Variants in TAFA1 observed in about 807,000 individuals in gnomAD.
TAFA1 encodes the protein TAFA chemokine like family member 1.
TAFA1 carries 4 observed loss-of-function variants against 18.5 expected under a neutral mutation model. That is an observed-to-expected ratio of 0.22 (90% CI 0.11 to 0.49). The LOEUF (loss-of-function observed/expected upper bound fraction) is 0.49. Ranked by LOEUF, TAFA1 falls within the 20% of genes least tolerant of loss-of-function variation. The pLI is 0.98. For synonymous variants in TAFA1, 56 were observed against 55.2 expected, an observed-to-expected ratio of 1.01 and a Z score of -0.06; for missense variants, 147 against 169.0, an observed-to-expected ratio of 0.87 and a Z score of 0.72.
At chr3:68,378,811 G>A in intron 2 of TAFA1, among the ~76,000 whole-genome samples, 1 of 152,080 alleles carries the variant, frequency 6.6e-6, no homozygotes, top group East Asian at 1.9e-4. Flanking sequence ...CGTTTCGTAA[G>A]CAAAGCCTTT....
intron 2 of TAFA1, among the ~76,000 whole-genome samples, chr3:68,022,075 T>C (rs1010790323): frequency 1.3e-5 from 2 of 152,214 alleles, no homozygotes; most frequent in African/African-American, 4.8e-5. Context: ...TTCATTAGTC[T>C]ATTTATATTC....
intron 2 of TAFA1, among the ~76,000 whole-genome samples, chr3:68,184,879 G>A (rs1226242449): frequency 4.6e-5 from 7 of 152,148 alleles, no homozygotes; most frequent in African/African-American, 1.7e-4. Flanking sequence ...TATGGGCTGA[G>A]ACATGGGAAA....
chr3:68,226,294 G>A (rs2107105344), intron 2 of TAFA1, among the ~76,000 whole-genome samples: 1 of 152,302 alleles, frequency 6.6e-6, no homozygotes, highest in South Asian at 2.1e-4. Flanking sequence ...ATGCTTTCAT[G>A]CCTATTAACA....
intron 3 of TAFA1, among the ~76,000 whole-genome samples, chr3:68,478,939 A>T (rs1359404025): frequency 1.4e-5 from 2 of 147,456 alleles, no homozygotes; most frequent in Admixed American, 1.3e-4. Flanking sequence ...TATACATAAA[A>T]ATATATATCT....
intron 2 of TAFA1, among the ~76,000 whole-genome samples, chr3:68,178,195 T>A (rs1169101443): frequency 6.6e-6 from 1 of 152,034 alleles, no homozygotes. Flanking sequence ...ACCTGGTATA[T>A]GGTAACTATT....
chr3:68,440,892 C>T (rs1280592833), intron 3 of TAFA1, among the ~76,000 whole-genome samples: 1 of 152,162 alleles, frequency 6.6e-6, no homozygotes, highest in Non-Finnish European at 1.5e-5. Flanking sequence ...CCCAAAGTGT[C>T]CAGGTGGCAA....
At chr3:68,520,045 A>G (rs2072995149) in intron 3 of TAFA1, among the ~76,000 whole-genome samples, 1 of 152,174 alleles carries the variant, frequency 6.6e-6, no homozygotes, top group African/African-American at 2.4e-5. Flanking sequence ...AAATCCTAAA[A>G]CACAAAACAG....
intron 3 of TAFA1, among the ~76,000 whole-genome samples, chr3:68,508,432 C>T (rs74924391): frequency 0.017 from 2,555 of 152,122 alleles, 70 homozygotes; most frequent in African/African-American, 0.058. Flanking sequence ...GGGTGTCAAA[C>T]TCTTCGTTAT....
At chr3:68,214,244 A>T (rs1052270223) in intron 2 of TAFA1, among the ~76,000 whole-genome samples, 2 of 152,106 alleles carry the variant, frequency 1.3e-5, no homozygotes, top group African/African-American at 2.4e-5. Context: ...TTATCATAGA[A>T]TTCAGGCATT....
chr3:68,208,593 T>A (rs569798165), intron 2 of TAFA1, among the ~76,000 whole-genome samples: 2 of 151,980 alleles, frequency 1.3e-5, no homozygotes, highest in Non-Finnish European at 2.9e-5. Context: ...CAAACTCAGA[T>A]CCAGCAAGGC....
At chr3:68,483,185 A>T (rs2072269869) in intron 3 of TAFA1, among the ~76,000 whole-genome samples, 1 of 152,196 alleles carries the variant, frequency 6.6e-6, no homozygotes, top group Non-Finnish European at 1.5e-5. Flanking sequence ...CACACTGGAG[A>T]CAGAGAAGGC....
At chr3:67,991,908 A>G in the TAFA1 span, among the ~76,000 whole-genome samples, 1 of 152,148 alleles carries the variant, frequency 6.6e-6, no homozygotes, top group East Asian at 1.9e-4. Flanking sequence ...CAATATATCT[A>G]TATCCTATTG....
intron 2 of TAFA1, among the ~76,000 whole-genome samples, chr3:68,092,231 C>G (rs534016686): frequency 4.7e-5 from 7 of 149,448 alleles, no homozygotes; most frequent in Non-Finnish European, 1.0e-4. Flanking sequence ...AAACACACAC[C>G]TTTTTTTTTT....
chr3:68,192,939 C>T (rs1425597518), intron 2 of TAFA1, among the ~76,000 whole-genome samples: 1 of 151,564 alleles, frequency 6.6e-6, no homozygotes, highest in African/African-American at 2.4e-5. Context: ...TCCATAGAGG[C>T]ACAGGAGGGC....
chr3:68,478,796 T>C (rs1037084562), intron 3 of TAFA1, among the ~76,000 whole-genome samples: 2 of 152,070 alleles, frequency 1.3e-5, no homozygotes, highest in East Asian at 3.8e-4. Flanking sequence ...ATGTGTTGTA[T>C]ATGGAAATAC....
At chr3:68,375,751 C>T (rs2069798757) in intron 2 of TAFA1, among the ~76,000 whole-genome samples, 1 of 152,156 alleles carries the variant, frequency 6.6e-6, no homozygotes, top group African/African-American at 2.4e-5. Flanking sequence ...AGTTTACATA[C>T]ACAAGTGATT....
chr3:68,406,339 C>T (rs1167236382), intron 2 of TAFA1, among the ~76,000 whole-genome samples: 1 of 152,114 alleles, frequency 6.6e-6, no homozygotes, highest in Non-Finnish European at 1.5e-5. Flanking sequence ...GTTCAATGGT[C>T]TTGGTTTAAG....
chr3:68,017,283 G>A (rs1704589986), intron 2 of TAFA1, among the ~76,000 whole-genome samples: 1 of 152,214 alleles, frequency 6.6e-6, no homozygotes, highest in African/African-American at 2.4e-5. Context: ...AGGTGCTTGA[G>A]AATCTAGGTC....
intron 2 of TAFA1, among the ~76,000 whole-genome samples, chr3:68,399,161 G>A (rs762809166): frequency 1.3e-5 from 2 of 152,098 alleles, no homozygotes; most frequent in Non-Finnish European, 2.9e-5. Context: ...TCCAAGTCCA[G>A]CTATACTGAG....
Sources: allele counts gnomAD v4.1 joint callset (sites outside exome capture counted in the v4.1 genomes callset), GRCh38; gene constraint gnomAD v4.1.1; transcripts MANE v1.5; gene names NCBI Gene and HGNC (gene_info 2026-07-23, HGNC 2026-07-21).